HTR4: variants seen among roughly 807,000 people sequenced by gnomAD.
HTR4 encodes the protein 5-hydroxytryptamine (serotonin) receptor 4, G protein-coupled.
HTR4 carries 16 observed loss-of-function variants against 36.8 expected under a neutral mutation model. That is an observed-to-expected ratio of 0.43 (90% CI 0.29 to 0.66). The LOEUF is 0.66. HTR4 is among the 30% of genes least tolerant of loss of function. HTR4 has a pLI of 0.13. For missense variants in HTR4, 438 were observed against 490.9 expected (o/e 0.89, Z 1.02); for synonymous variants, 189 against 185.1 (o/e 1.02, Z -0.17).
Position 148,523,186 on chromosome 5 carries a change from T to C in HTR4, c.507+7A>G. 6.2e-7 allele frequency: 1 copy of C among 1,612,464 alleles called. No individual in the cohort carries two copies. Among genetic ancestry groups the C allele is most frequent in the Non-Finnish European group, 8.5e-7 (1 of 1,178,902 alleles). On this transcript the variant is annotated splice_region_variant and intron_variant, in intron 5 of 6. Transcript: ENST00000377888. ...AGTAAACCAGTGAGGTCTGTGTGGA[T>C]ACTCACCAAATCAATTATGCCAATG... is the stretch of plus-strand genomic sequence containing the variant.
chr5:148,591,345 G>T (rs1157857541), intron 2 of HTR4, among the ~76,000 whole-genome samples: 2 of 151,848 alleles, frequency 1.3e-5, no homozygotes, highest in Non-Finnish European at 2.9e-5. Context: ...TTTAAAATAG[G>T]TTTTTTTAAT....
At chr5:148,521,630 C>T (rs7356666) in intron 5 of HTR4, among the ~76,000 whole-genome samples, 26,038 of 151,756 alleles carry the variant, frequency 0.17, 3,858 homozygotes, top group African/African-American at 0.39. Context: ...TTACAGTATC[C>T]CTTTCTCTCT....
intron 5 of HTR4, among the ~76,000 whole-genome samples, chr5:148,458,353 AT>A (rs556921250): frequency 5.7e-4 from 84 of 147,956 alleles, no homozygotes; most frequent in South Asian, 4.0e-3. Flanking sequence ...ATTTACTAAA[AT>A]TTTTTTTTTT....
Position 148,636,996 on chromosome 5 carries a change from T to C in HTR4, c.19A>G (p.Asn7Asp). 6.3e-7 allele frequency: 1 copy of C among 1,599,396 alleles called. No homozygotes were observed. The highest frequency in any genetic ancestry group is 8.6e-7 in the Non-Finnish European group (1 of 1,167,080). Residue 7 changes from asparagine (N) to aspartate (D), a missense_variant, in exon 2 of 7, where the codon AAT becomes GAT. Coordinates refer to ENST00000377888, the MANE Select transcript of HTR4 (RefSeq NM_000870.7). Reference protein sequence around the residue: MDKLDANVSSEEGFGSV... With the variant: MDKLDADVSSEEGFGSV... ...TACAGAAAGGTAACATACCTCACAT[T>C]AGCATCAAGTTTGTCCATTACAGGA...
chr5:148,595,898 C>A (rs1390094593), intron 2 of HTR4, among the ~76,000 whole-genome samples: 1 of 152,212 alleles, frequency 6.6e-6, no homozygotes, highest in African/African-American at 2.4e-5. Context: ...ACTCCAATGA[C>A]TAATAATTAT....
At chr5:148,551,359 G>T (rs934020218) in intron 2 of HTR4, among the ~76,000 whole-genome samples, 1 of 152,128 alleles carries the variant, frequency 6.6e-6, no homozygotes, top group Non-Finnish European at 1.5e-5. Context: ...AAGCTCAGTG[G>T]CTCCTTTCAC....
chr5:148,573,353 G>T (rs1430016820), intron 2 of HTR4, among the ~76,000 whole-genome samples: 1 of 151,968 alleles, frequency 6.6e-6, no homozygotes, highest in East Asian at 1.9e-4. Context: ...AACAGCAAAG[G>T]TTTATTTTTC....
At chr5:148,533,360 C>A (rs1386001940) in intron 4 of HTR4, among the ~76,000 whole-genome samples, 1 of 152,200 alleles carries the variant, frequency 6.6e-6, no homozygotes, top group Non-Finnish European at 1.5e-5. Context: ...CATAAAACTC[C>A]ATTAAAATCT....
chr5:148,459,768 A>G (rs866294306), intron 5 of HTR4, among the ~76,000 whole-genome samples: 1 of 152,156 alleles, frequency 6.6e-6, no homozygotes, highest in African/African-American at 2.4e-5. Context: ...CAAACAAACA[A>G]AAAAAACCAC....
chr5:148,474,338 G>A (rs1377404703), downstream of HTR4, among the ~76,000 whole-genome samples: 2 of 151,974 alleles, frequency 1.3e-5, no homozygotes, highest in African/African-American at 2.4e-5. Context: ...GGGTGGTGTG[G>A]GGGGGCTGAT....
At chr5:148,523,378 A>T in intron 4 of HTR4, 32 bp from the exon 5 acceptor site, 1 of 1,556,778 alleles carries the variant, frequency 6.4e-7, no homozygotes, top group Non-Finnish European at 8.7e-7. Context: ...GAGCATAGGC[A>T]TGGGCAAGGA....
At chr5:148,604,513 A>G (rs756055524) in intron 2 of HTR4, among the ~76,000 whole-genome samples, 10 of 152,214 alleles carry the variant, frequency 6.6e-5, no homozygotes, top group Non-Finnish European at 1.0e-4. Context: ...CTCAATGTAC[A>G]GTAGAAATGG....
In HTR4 at chr5:148,651,064, T is replaced by C. The variant is rs541920299; in HGVS notation, c.-48+2998A>G. ...GGCACATTACTTTACCTCTCTAAGG[T>C]TGAGTTACCGCATTGCTAAAATGAG... is the stretch of plus-strand genomic sequence containing the variant. On this transcript the variant is annotated intron_variant, in intron 1 of 6. Coordinates refer to ENST00000377888, the MANE Select transcript of HTR4 (RefSeq NM_000870.7). Among the ~76,000 whole-genome samples the C allele has an allele frequency of 8.5e-5, 13 of 152,278 alleles. No individual in the cohort carries two copies. The East Asian group carries it at 1.9e-3, about 23-fold the overall frequency.
intron 2 of HTR4, among the ~76,000 whole-genome samples, chr5:148,602,628 G>A (rs1243708250): frequency 6.6e-6 from 1 of 152,004 alleles, no homozygotes; most frequent in Non-Finnish European, 1.5e-5. Context: ...AAAATAGAAT[G>A]AAGGAAATAG....
At chr5:148,463,254 C>A (rs1755331357) in intron 5 of HTR4, among the ~76,000 whole-genome samples, 1 of 129,664 alleles carries the variant, frequency 7.7e-6, no homozygotes, top group South Asian at 2.7e-4. Flanking sequence ...CTCACTGCAA[C>A]TTCCATCTCC....
intron 4 of HTR4, among the ~76,000 whole-genome samples, chr5:148,534,429 T>C (rs1297152973): frequency 2.0e-5 from 3 of 152,112 alleles, no homozygotes; most frequent in Non-Finnish European, 2.9e-5. Context: ...TGTTCCCATA[T>C]CTCCTCACCA....
intron 5 of HTR4, among the ~76,000 whole-genome samples, chr5:148,471,560 T>C (rs1755567666): frequency 6.6e-6 from 1 of 152,178 alleles, no homozygotes; most frequent in Non-Finnish European, 1.5e-5. Flanking sequence ...AATATTATTT[T>C]TACAATGAGT....
chr5:148,516,771 C>T (rs1475510593), intron 5 of HTR4, among the ~76,000 whole-genome samples: 2 of 152,066 alleles, frequency 1.3e-5, no homozygotes, highest in Non-Finnish European at 2.9e-5. Context: ...TTAAAGGACA[C>T]ACATTGTGTA....
chr5:148,573,588 T>G (rs1760765851), intron 2 of HTR4, among the ~76,000 whole-genome samples: 1 of 152,026 alleles, frequency 6.6e-6, no homozygotes, highest in Non-Finnish European at 1.5e-5. Context: ...TGGCCAGAAC[T>G]AGTCAGAAAG....
Sources: gnomAD v4.1 joint callset for allele counts (sites outside exome capture counted in the v4.1 genomes callset) on GRCh38, gnomAD v4.1.1 for gene constraint, MANE v1.5 for transcripts, NCBI Gene and HGNC (gene_info 2026-07-23, HGNC 2026-07-21) for gene names.